Variants in ANO2 observed in about 807,000 individuals in gnomAD.
ANO2 encodes anoctamin-2.
ANO2 carries 101 observed loss-of-function variants against 124.2 expected under a neutral mutation model. That is an observed-to-expected ratio of 0.81 (90% CI 0.69 to 0.96). The LOEUF (loss-of-function observed/expected upper bound fraction) is 0.96. ANO2 is among the 40% of genes least tolerant of loss of function. ANO2 has a pLI of 0.00. For synonymous variants in ANO2, 486 were observed against 482.5 expected, an observed-to-expected ratio of 1.01 and a Z score of -0.09; for missense variants, 1,293 against 1,274.5, an observed-to-expected ratio of 1.01 and a Z score of -0.22.
intron 4 of ANO2, among the ~76,000 whole-genome samples, chr12:5,833,085 A>G (rs1261902342): frequency 6.6e-6 from 1 of 152,220 alleles, no homozygotes; most frequent in Non-Finnish European, 1.5e-5. Flanking sequence ...AACCTAATCC[A>G]AAGTCTATAC....
chr12:5,656,155 G>A (rs1474740224), intron 14 of ANO2, among the ~76,000 whole-genome samples: 1 of 152,188 alleles, frequency 6.6e-6, no homozygotes, highest in Non-Finnish European at 1.5e-5. Flanking sequence ...CAGGGTTGCA[G>A]TGAGTTTAAT....
chr12:5,623,569 A>T (rs1006527405), intron 16 of ANO2, among the ~76,000 whole-genome samples: 1 of 152,136 alleles, frequency 6.6e-6, no homozygotes, highest in Non-Finnish European at 1.5e-5. Context: ...ATGAAAGCCC[A>T]GCTTCATCCC....
intron 1 of ANO2, among the ~76,000 whole-genome samples, chr12:5,937,926 GA>G (rs1460843324): frequency 6.6e-6 from 1 of 152,174 alleles, no homozygotes; most frequent in East Asian, 1.9e-4. Context: ...TACATGTCTG[GA>G]ATGTTAGGAC....
chr12:5,612,878 G>GA, intron 18 of ANO2, 23 bp downstream of exon 18: 4 of 1,613,806 alleles, frequency 2.5e-6, no homozygotes, highest in Non-Finnish European at 3.4e-6. Flanking sequence ...TGCCAGGCAT[G>GA]AAACACCAGT....
Sources: allele counts gnomAD v4.1 joint callset (sites outside exome capture counted in the v4.1 genomes callset), GRCh38; gene constraint gnomAD v4.1.1; transcripts MANE v1.5; gene names NCBI Gene and HGNC (gene_info 2026-07-23, HGNC 2026-07-21).